The following CFAP92 variants were observed in gnomAD, a reference collection of about 807,000 sequenced individuals.
The protein encoded by CFAP92 is cilia and flagella associated protein 92 (putative).
Under a neutral mutation model 106.3 loss-of-function variants are expected in CFAP92, and 86 were observed. The ratio of observed to expected loss-of-function variants is 0.81; its 90% CI spans 0.68 to 0.97. CFAP92 has a LOEUF of 0.97. Ranked by LOEUF, CFAP92 falls within the 50% of genes least tolerant of loss-of-function variation. CFAP92 has a pLI of 0.00. For synonymous variants in CFAP92, 477 were observed against 506.4 expected (o/e 0.94, Z 0.78); for missense variants, 1,204 against 1,283.8 (o/e 0.94, Z 0.95).
chr3:128,932,033 A>T (rs1388878388), intron 12 of CFAP92, among the ~76,000 whole-genome samples: 1 of 152,122 alleles, frequency 6.6e-6, no homozygotes, highest in Admixed American at 6.6e-5. Flanking sequence ...ACATAAAAGA[A>T]GTCTGTTCTT....
intron 12 of CFAP92, among the ~76,000 whole-genome samples, chr3:128,930,910 G>C (rs116789759): frequency 0.048 from 7,260 of 152,066 alleles, 355 homozygotes; most frequent in African/African-American, 0.12. Context: ...TTTTTTGTTT[G>C]TTTGTTTTTT....
At chr3:128,993,769 C>T in intron 1 of CFAP92, 1 of 306,288 alleles carries the variant, frequency 3.3e-6, no homozygotes, top group Non-Finnish European at 5.7e-6. Context: ...AGGAGCCTGG[C>T]GAGGTCGGGG....
At chr3:129,003,453 G>A (rs762850930), upstream of CFAP92, 114 of 244,566 alleles carry the variant, frequency 4.7e-4, no homozygotes, top group Non-Finnish European at 5.2e-4. Flanking sequence ...CCACCCGGCA[G>A]GCTGAACGCC....
At chr3:128,953,295 C>A (rs189265262) in intron 9 of CFAP92, among the ~76,000 whole-genome samples, 276 of 151,212 alleles carry the variant, frequency 1.8e-3, no homozygotes, top group African/African-American at 6.4e-3. Context: ...GTGGGTAGAT[C>A]ACGAGGTCAG....
intron 4 of CFAP92, among the ~76,000 whole-genome samples, chr3:128,985,826 T>C (rs556253856): frequency 3.9e-5 from 6 of 152,332 alleles, no homozygotes; most frequent in South Asian, 2.1e-4. Flanking sequence ...TGTAGGTATA[T>C]ATATCAGTGT....
At chr3:128,998,217 T>A (rs1944553861), upstream of CFAP92, among the ~76,000 whole-genome samples, 1 of 152,246 alleles carries the variant, frequency 6.6e-6, no homozygotes, top group Non-Finnish European at 1.5e-5. Context: ...GGGCATATGT[T>A]TTACAAATAT....
At chr3:129,002,106 C>T (rs1268112469) in intron 1 of CFAP92, 1 of 1,491,546 alleles carries the variant, frequency 6.7e-7, no homozygotes, top group African/African-American at 1.5e-5. Flanking sequence ...TGCGGGGCCC[C>T]GGCTGCCCCG....
At position 128,915,464 on chromosome 3, in the gene CFAP92, G is replaced by A. The variant is rs1250216764; in HGVS notation, c.3016C>T (p.Arg1006Cys). 4.1e-5 allele frequency: 63 copies of A among 1,535,978 alleles called. No individual in the cohort carries two copies. Among genetic ancestry groups the A allele is most frequent in the East Asian group, 7.3e-5 (3 of 40,922 alleles). ...EEEKKAQKKS[R>C]QAWLTARGFQ... ...CCCCTGGCTGTGAGCCAGGCCTGGC[G>A]GGATTTCTTCTGGGCTTTCTTCTCC... The change falls in exon 14 of 16, where the codon CGC becomes TGC. Residue 1006 changes from arginine (R) to cysteine (C), a missense_variant. Arg to Cys is a radical substitution (Grantham distance 180). Transcript: ENST00000645291.
chr3:128,939,850 G>A (rs1015187070), intron 10 of CFAP92, among the ~76,000 whole-genome samples: 52 of 152,188 alleles, frequency 3.4e-4, no homozygotes, highest in African/African-American at 1.2e-3. Flanking sequence ...AAGTGTTCCC[G>A]CTCCTATGAG....
the CFAP92 span, among the ~76,000 whole-genome samples, chr3:129,008,983 T>G: frequency 7.6e-6 from 1 of 131,700 alleles, no homozygotes; most frequent in African/African-American, 2.8e-5. Context: ...TTTTTATGCA[T>G]AGTAGACATT....
intron 1 of CFAP92, 93 bp downstream of exon 1, chr3:128,993,887 G>C: frequency 1.1e-6 from 1 of 908,836 alleles, no homozygotes; most frequent in Non-Finnish European, 1.3e-6. Flanking sequence ...GCCGAAGAGG[G>C]AACACGCATC....
rs1936808076 is a variant in CFAP92 at position 128,916,225 on chromosome 3, G to T, written c.2798C>A (p.Ser933Tyr). Residue 933 changes from serine (S) to tyrosine (Y), a missense_variant, in exon 13 of 16, where the codon TCC becomes TAC. Ser to Tyr is a moderately radical substitution (Grantham distance 144). Transcript: ENST00000645291. ...TGAAATTTTAATCACCTTCGCCACG[G>T]ACTTCGGAGGCTTCTTGCTGACCTG... ...AYQVSKKPPK[S>Y]VAKVIKISAP... The T allele has an allele frequency of 8.1e-7, 1 of 1,231,954 alleles. No individual in the cohort carries two copies. 76.3% of individuals were successfully genotyped at this position (1,231,954 alleles called of 1,614,324 possible).
chr3:129,009,194 CCTTT>C, the CFAP92 span, among the ~76,000 whole-genome samples: 1 of 152,168 alleles, frequency 6.6e-6, no homozygotes, highest in Non-Finnish European at 1.5e-5. Context: ...CTCTTTTCTT[CCTTT>C]CTATCATCCA....
chr3:128,975,747 T>G, intron 7 of CFAP92, 32 bp downstream of exon 7: 1 of 1,486,382 alleles, frequency 6.7e-7, no homozygotes, highest in Non-Finnish European at 9.1e-7. Flanking sequence ...TCTAGTTATA[T>G]TATAAAATTC....
In CFAP92 at chr3:128,945,492, C is replaced by T. The variant is rs1056258649; in HGVS notation, c.1837G>A (p.Asp613Asn). The T allele has an allele frequency of 6.5e-7, 1 of 1,536,050 alleles. No individual in the cohort carries two copies. The highest frequency in any genetic ancestry group is 1.4e-5 in the African/African-American group (1 of 73,048). The stretch of plus-strand genomic sequence containing the variant: ...GGCATTGGGCCGTGCTGGTGGCCAT[C>T]TCTGGGGACCCCAAGCCCCACAACC... ...RKVVGLGVPR[D>N]GHQHGPMPRG... The change falls in exon 10 of 16, where the codon GAT (aspartate) becomes AAT (asparagine). Residue 613 changes from aspartate to asparagine, a missense_variant. Coordinates refer to ENST00000645291, the MANE Select transcript of CFAP92 (RefSeq NM_001394090.1).
At chr3:128,976,364 C>G (rs1014010125) in intron 6 of CFAP92, among the ~76,000 whole-genome samples, 3 of 152,156 alleles carry the variant, frequency 2.0e-5, no homozygotes, top group Non-Finnish European at 4.4e-5. Context: ...ATACCATGAT[C>G]ATGGATGAGA....
chr3:128,911,564 A>C (rs1375163524), intron 15 of CFAP92, among the ~76,000 whole-genome samples: 10 of 152,006 alleles, frequency 6.6e-5, no homozygotes, highest in Non-Finnish European at 8.8e-5. Flanking sequence ...CAGCCTCCTG[A>C]GTAGTTGGGA....
chr3:128,992,374 C>T (rs1010191779), intron 2 of CFAP92, among the ~76,000 whole-genome samples: 1 of 151,928 alleles, frequency 6.6e-6, no homozygotes, highest in African/African-American at 2.4e-5. Flanking sequence ...CCATTCTGGC[C>T]AACATGGTGA....
At position 128,946,230 on chromosome 3, in the gene CFAP92, T is replaced by C. The variant is rs543319551; in HGVS notation, c.1354-255A>G. On this transcript the variant is annotated intron_variant, in intron 9 of 15. Transcript: ENST00000645291. Reference sequence around the variant, plus strand: ...AAAAAGCATTCGTTACTTATTTTCCTCCCAAAATGTGAGTGCCATGAAGAT... The same window carrying C: ...AAAAAGCATTCGTTACTTATTTTCCCCCCAAAATGTGAGTGCCATGAAGAT... Among the ~76,000 whole-genome samples the C allele has an allele frequency of 2.6e-5, 4 of 152,056 alleles. No homozygotes were observed. The East Asian group carries it at 7.7e-4, about 29-fold the overall frequency.
Sources: gnomAD v4.1 joint callset for allele counts (sites outside exome capture counted in the v4.1 genomes callset) on GRCh38, gnomAD v4.1.1 for gene constraint, MANE v1.5 for transcripts, NCBI Gene and HGNC (gene_info 2026-07-23, HGNC 2026-07-21) for gene names.